IPO11: variants seen among roughly 807,000 people sequenced by gnomAD.
IPO11 encodes the protein importin-11.
A neutral mutation model predicts 143.2 loss-of-function variants in IPO11; 66 were observed. That is an observed-to-expected ratio of 0.46 (90% CI 0.38 to 0.57). The LOEUF (loss-of-function observed/expected upper bound fraction) is 0.57, where lower values mean the gene tolerates loss of function less well. Ranked by LOEUF, IPO11 falls within the 20% of genes least tolerant of loss-of-function variation. The pLI, the probability that IPO11 is intolerant of heterozygous loss-of-function variation, is 0.00. For synonymous variants in IPO11, 385 were observed against 377.8 expected (o/e 1.02, Z -0.22); for missense variants, 1,026 against 1,141.0 (o/e 0.90, Z 1.45).
intron 27 of IPO11, among the ~76,000 whole-genome samples, chr5:62,565,603 C>G (rs1331046939): frequency 6.6e-6 from 1 of 152,150 alleles, no homozygotes; most frequent in Non-Finnish European, 1.5e-5. Flanking sequence ...TTTGATGTCT[C>G]AGTTTATATC....
intron 5 of IPO11, among the ~76,000 whole-genome samples, chr5:62,465,013 AGTTTTT>A (rs1247428567): frequency 6.6e-6 from 1 of 152,178 alleles, no homozygotes; most frequent in African/African-American, 2.4e-5. Context: ...GCACCCTTTG[AGTTTTT>A]GTTTTCTTAC....
intron 28 of IPO11, among the ~76,000 whole-genome samples, chr5:62,596,488 C>T (rs905947904): frequency 1.1e-4 from 17 of 152,208 alleles, no homozygotes; most frequent in Admixed American, 1.0e-3. Flanking sequence ...AGAAAGGTCA[C>T]TTTGGTCCAT....
intron 12 of IPO11, among the ~76,000 whole-genome samples, chr5:62,486,327 T>C (rs1746405217): frequency 6.6e-6 from 1 of 152,178 alleles, no homozygotes; most frequent in Admixed American, 6.5e-5. Flanking sequence ...TTTCTTCATC[T>C]TTTAGTACAT....
At position 62,467,246 on chromosome 5, in the gene IPO11, C is replaced by T. The variant is rs772998136; in HGVS notation, c.632C>T (p.Thr211Ile). ...GCAATTTTGAGTTCACTAGAACGAA[C>T]ACTGCTATCATTGAAAGGTACTATT... ...EAAILSSLER[T>I]LLSLKVLRKL... Residue 211 changes from threonine (T) to isoleucine (I), a missense_variant, in exon 6 of 30, where the codon ACA (threonine) becomes ATA (isoleucine). Thr to Ile is a moderately conservative substitution (Grantham distance 89). Around this residue, in one of 5 missense-constraint regions of IPO11, gnomAD observed 429 missense variants for 456.3 expected, o/e 0.94. Coordinates refer to ENST00000325324, the MANE Select transcript of IPO11 (RefSeq NM_016338.5). 1.9e-6 allele frequency: 3 copies of T among 1,613,384 alleles called. No individual in the cohort carries two copies. Among genetic ancestry groups the T allele is most frequent in the African/African-American group, 2.7e-5 (2 of 74,884 alleles).
chr5:62,604,697 T>A (rs1319745550), intron 29 of IPO11, among the ~76,000 whole-genome samples: 1 of 152,230 alleles, frequency 6.6e-6, no homozygotes, highest in East Asian at 1.9e-4. Flanking sequence ...CTTACTACAG[T>A]AGATATTTAA....
intron 5 of IPO11, among the ~76,000 whole-genome samples, chr5:62,452,698 CAG>C (rs1440462622): frequency 5.3e-5 from 7 of 131,792 alleles, no homozygotes; most frequent in South Asian, 4.6e-4. Flanking sequence ...TGTTTTGAGA[CAG>C]GGTTTTGTTC....
At chr5:62,413,971 TTC>T (rs961550159) in intron 1 of IPO11, among the ~76,000 whole-genome samples, 3 of 152,234 alleles carry the variant, frequency 2.0e-5, no homozygotes, top group African/African-American at 7.2e-5. Context: ...GACTGGTATT[TTC>T]TCTGTTTCTG....
rs1325241541 is a variant in IPO11, at chr5:62,627,601, TAAGAG to T, written c.*288_*292del. ...TGACAATAGCTGCTTAGTTTCCTGT[TAAGAG>T]AAGAAACTTTATCTTTTAATTATGT... On this transcript the variant is annotated 3_prime_UTR_variant, in exon 30 of 30. Transcript: ENST00000325324. The T allele has an allele frequency of 1.7e-5, 4 of 239,694 alleles. No homozygotes were observed. Among genetic ancestry groups the T allele is most frequent in the Non-Finnish European group, 1.6e-5 (2 of 126,158 alleles). The allele number at this position is 239,694 out of a possible 1,614,324, so 14.8% of individuals were successfully genotyped here. A position where few individuals can be genotyped will look rare whatever the true frequency, so the allele number is the denominator to read the frequency against.
chr5:62,565,684 T>A (rs558790531), intron 27 of IPO11, among the ~76,000 whole-genome samples: 46 of 152,264 alleles, frequency 3.0e-4, no homozygotes, highest in Middle Eastern at 3.4e-3. Context: ...AGTTCCAGGA[T>A]ACAAATACAG....
At chr5:62,611,637 T>C (rs1244544908) in intron 29 of IPO11, among the ~76,000 whole-genome samples, 1 of 152,182 alleles carries the variant, frequency 6.6e-6, no homozygotes, top group Non-Finnish European at 1.5e-5. Flanking sequence ...AAAACCTTAA[T>C]TGTGATGAAT....
At chr5:62,551,645 C>T (rs917594257) in intron 26 of IPO11, among the ~76,000 whole-genome samples, 12 of 152,146 alleles carry the variant, frequency 7.9e-5, no homozygotes, top group Admixed American at 2.0e-4. Flanking sequence ...GGGTATTTTG[C>T]ATGTAGTGAT....
Position 62,503,155 on chromosome 5 carries a change from C to T in IPO11, c.1591-1512C>T, listed in dbSNP as rs897779680. 1.1e-4 allele frequency among the ~76,000 whole-genome samples: 17 copies of T among 152,040 alleles called. No individual in the cohort carries two copies. The South Asian group carries it at 3.5e-3, about 32-fold the overall frequency. On this transcript the variant is annotated intron_variant, in intron 16 of 29. Transcript: ENST00000325324. ...TTCTTGTTTCTTTTTGAGGGGCTTT[C>T]ATGTCTTGGTCTCTGTGAATTGTTA...
intron 3 of IPO11, among the ~76,000 whole-genome samples, chr5:62,446,741 G>T (rs1447078284): frequency 6.6e-6 from 1 of 152,160 alleles, no homozygotes; most frequent in Admixed American, 6.5e-5. Flanking sequence ...GGCCGAGGCG[G>T]GCAGGTCGCC....
At chr5:62,543,740 T>G (rs903086268) in intron 24 of IPO11, among the ~76,000 whole-genome samples, 1 of 152,308 alleles carries the variant, frequency 6.6e-6, no homozygotes, top group South Asian at 2.1e-4. Context: ...TTTGAATGTG[T>G]TTGCTCTTGC....
intron 1 of IPO11, among the ~76,000 whole-genome samples, chr5:62,434,373 C>T (rs562356640): frequency 3.3e-5 from 5 of 152,174 alleles, no homozygotes; most frequent in Admixed American, 2.0e-4. Context: ...GTGATCACAG[C>T]TCACTGTATC....
chr5:62,593,662 G>T (rs1580364084), intron 28 of IPO11, among the ~76,000 whole-genome samples: 1 of 152,292 alleles, frequency 6.6e-6, no homozygotes, highest in Admixed American at 6.5e-5. Flanking sequence ...CAGCTAAAAG[G>T]CCTAGACTTG....
At chr5:62,550,981 A>T (rs1743367837) in intron 25 of IPO11, among the ~76,000 whole-genome samples, 1 of 149,412 alleles carries the variant, frequency 6.7e-6, no homozygotes, top group Admixed American at 6.7e-5. Context: ...GTAATAAAGT[A>T]ATATATGAAA....
At chr5:62,528,675 G>A (rs1742446007) in intron 21 of IPO11, among the ~76,000 whole-genome samples, 1 of 152,120 alleles carries the variant, frequency 6.6e-6, no homozygotes, top group Admixed American at 6.6e-5. Flanking sequence ...ATAGGGAGGT[G>A]TTCCATCCAA....
At chr5:62,572,538 T>TTTGA (rs1744165868) in intron 27 of IPO11, among the ~76,000 whole-genome samples, 1 of 79,558 alleles carries the variant, frequency 1.3e-5, no homozygotes, top group African/African-American at 4.8e-5. Flanking sequence ...TATATGTATA[T>TTTGA]TTGTTTGTTT....
Sources: gnomAD v4.1 joint callset for allele counts (sites outside exome capture counted in the v4.1 genomes callset) on GRCh38, gnomAD v4.1.1 for gene constraint, gnomAD v4.1.1 regional missense constraint, MANE v1.5 for transcripts, NCBI Gene and HGNC (gene_info 2026-07-23, HGNC 2026-07-21) for gene names.